The following PCLO variants were observed in gnomAD, a reference collection of about 807,000 sequenced individuals.
PCLO encodes the protein piccolo presynaptic cytomatrix protein.
PCLO carries 82 observed loss-of-function variants against 427.5 expected under a neutral mutation model. The ratio of observed to expected loss-of-function variants is 0.19; its 90% CI spans 0.16 to 0.23. The LOEUF (loss-of-function observed/expected upper bound fraction) is 0.23, where lower values mean the gene tolerates loss of function less well. Ranked by LOEUF, PCLO falls within the 10% of genes least tolerant of loss-of-function variation. PCLO has a pLI of 1.00. For missense variants in PCLO, 6,239 were observed against 6,115.9 expected (o/e 1.02, Z -0.67); for synonymous variants, 2,357 against 2,155.4 (o/e 1.09, Z -2.59).
intron 20 of PCLO, among the ~76,000 whole-genome samples, chr7:82,810,716 G>T (rs1791551520): frequency 6.6e-6 from 1 of 151,588 alleles, no homozygotes; most frequent in South Asian, 2.1e-4. Flanking sequence ...CTCCATTGTG[G>T]CTAACCTTAA....
intron 3 of PCLO, among the ~76,000 whole-genome samples, chr7:83,107,518 ATT>A (rs1408118650): frequency 1.3e-5 from 2 of 151,950 alleles, no homozygotes; most frequent in African/African-American, 4.8e-5. Flanking sequence ...TGTAAAATTA[ATT>A]TTGAGTTGGT....
chr7:82,858,156 G>A (rs905619349), intron 10 of PCLO, among the ~76,000 whole-genome samples: 1 of 151,904 alleles, frequency 6.6e-6, no homozygotes, highest in African/African-American at 2.4e-5. Context: ...GATGCAACAA[G>A]GTTTCAACAT....
At chr7:83,152,017 T>C (rs1222233925) in intron 2 of PCLO, among the ~76,000 whole-genome samples, 1 of 152,028 alleles carries the variant, frequency 6.6e-6, no homozygotes, top group African/African-American at 2.4e-5. Context: ...CAGGCTGGAA[T>C]GCAGTGGCGT....
chr7:82,914,640 G>T, intron 7 of PCLO, 46 bp downstream of exon 7: 1 of 1,583,108 alleles, frequency 6.3e-7, no homozygotes, highest in African/African-American at 1.3e-5. Flanking sequence ...AGAAAAATAA[G>T]AGTTTGAGTT....
chr7:83,136,019 A>G (rs1301249828), intron 2 of PCLO, among the ~76,000 whole-genome samples: 4 of 151,836 alleles, frequency 2.6e-5, no homozygotes, highest in Non-Finnish European at 4.4e-5. Context: ...AATCACTTGA[A>G]TCCAGGAGGC....
At chr7:82,793,823 A>T (rs906557971) in intron 22 of PCLO, among the ~76,000 whole-genome samples, 1 of 152,066 alleles carries the variant, frequency 6.6e-6, no homozygotes, top group Non-Finnish European at 1.5e-5. Flanking sequence ...TGGATTCACA[A>T]AGTATTGTGT....
chr7:82,870,587 T>C (rs1793209567), intron 10 of PCLO, among the ~76,000 whole-genome samples: 1 of 151,868 alleles, frequency 6.6e-6, no homozygotes, highest in South Asian at 2.1e-4. Flanking sequence ...ATTTGACAAA[T>C]GGGATTACGT....
chr7:82,812,116 T>C (rs1027091629), intron 20 of PCLO, among the ~76,000 whole-genome samples: 2 of 151,422 alleles, frequency 1.3e-5, no homozygotes, highest in African/African-American at 4.8e-5. Flanking sequence ...TCCAGAAAGA[T>C]GGTAAATCTC....
chr7:83,153,898 T>TAA (rs146942920), intron 2 of PCLO, among the ~76,000 whole-genome samples: 5 of 143,588 alleles, frequency 3.5e-5, no homozygotes, highest in Non-Finnish European at 6.2e-5. Context: ...TCTCTTCCCC[T>TAA]AAAAAAAAAA....
rs560396361 is a variant in PCLO, at chr7:82,839,224, A to G, written c.14098-882T>C. On this transcript the variant is annotated intron_variant, in intron 14 of 24. Transcript: ENST00000333891. ...GGGCAAATCCATATAGAAAGATACTAACTTTTAAAATAATCCATATAAAAC... is the reference window on the plus strand; with the variant it reads ...GGGCAAATCCATATAGAAAGATACTGACTTTTAAAATAATCCATATAAAAC... Among the ~76,000 whole-genome samples, 7 of 152,192 alleles carry G rather than the reference A, an allele frequency of 4.6e-5. No homozygotes were observed. In the East Asian group the frequency reaches 1.4e-3, roughly 29 times the overall value.
intron 3 of PCLO, among the ~76,000 whole-genome samples, chr7:82,974,902 C>T (rs541571688): frequency 2.1e-4 from 32 of 152,018 alleles, no homozygotes; most frequent in South Asian, 1.0e-3. Context: ...CCTCAGCCTC[C>T]GGAGTAGCTG....
chr7:83,048,475 T>C lies in PCLO; in HGVS notation c.3301-81988A>G, dbSNP rs114494873. Among the ~76,000 whole-genome samples, 373 of 152,146 alleles carry C rather than the reference T, an allele frequency of 2.5e-3. 1 individual carries two copies. The highest frequency in any genetic ancestry group is 8.6e-3 in the African/African-American group (356 of 41,524). ...CAGTGACATAAAGCCAACTGAGCTG[T>C]TGGTTAATTGCGGTTTCATCCACAC... On this transcript the variant is annotated intron_variant, in intron 3 of 24. Transcript: ENST00000333891.
chr7:83,139,184 A>G (rs1003517068), intron 2 of PCLO, among the ~76,000 whole-genome samples: 12 of 152,202 alleles, frequency 7.9e-5, no homozygotes, highest in Non-Finnish European at 1.8e-4. Context: ...AAACCTTCAC[A>G]AAAAATAAAG....
intron 10 of PCLO, among the ~76,000 whole-genome samples, chr7:82,871,605 A>T (rs1355979069): frequency 6.6e-6 from 1 of 152,000 alleles, no homozygotes; most frequent in South Asian, 2.1e-4. Flanking sequence ...GAAAGATTTT[A>T]AGTGTTCCCA....
At chr7:82,989,238 C>T (rs1796322515) in intron 3 of PCLO, among the ~76,000 whole-genome samples, 1 of 151,872 alleles carries the variant, frequency 6.6e-6, no homozygotes, top group Non-Finnish European at 1.5e-5. Context: ...TTCTGCTTTA[C>T]AGAAAAGACA....
At chr7:83,031,508 C>A (rs1788664028) in intron 3 of PCLO, among the ~76,000 whole-genome samples, 1 of 152,120 alleles carries the variant, frequency 6.6e-6, no homozygotes, top group East Asian at 1.9e-4. Flanking sequence ...GGTACCATTT[C>A]ATCTCCTCAT....
chr7:83,120,505 G>T (rs1321499718), intron 3 of PCLO, among the ~76,000 whole-genome samples: 3 of 151,262 alleles, frequency 2.0e-5, no homozygotes, highest in Non-Finnish European at 2.9e-5. Context: ...TAGAGCACCA[G>T]CAGATTTAAC....
In PCLO at chr7:82,916,049, T is replaced by C; in HGVS notation, c.11937A>G (p.Glu3979=). Residue 3979 remains glutamate, a synonymous_variant, in exon 7 of 25, where the codon GAA becomes GAG. Coordinates refer to ENST00000333891, the MANE Select transcript of PCLO (RefSeq NM_033026.6). ...YLEPKITSNY[E]VIRNQPLMIA... ...TCATAAGGGGTTGGTTGCGAATCACTTCATAGTTTGAGGTTATCTTGGGCT... is the reference window on the plus strand; with the variant it reads ...TCATAAGGGGTTGGTTGCGAATCACCTCATAGTTTGAGGTTATCTTGGGCT... The C allele has an allele frequency of 6.2e-7, 1 of 1,613,204 alleles. No homozygotes were observed. Among genetic ancestry groups the C allele is most frequent in the Non-Finnish European group, 8.5e-7 (1 of 1,179,760 alleles).
At chr7:82,866,655 TACACACACACACACACACACACAC>T (rs71096605) in intron 10 of PCLO, among the ~76,000 whole-genome samples, 1 of 143,108 alleles carries the variant, frequency 7.0e-6, no homozygotes, top group Non-Finnish European at 1.5e-5. Context: ...TGAAATTTTA[TACACACACACACACACACACACAC>T]ACACACACAC....
Sources: gnomAD v4.1 joint callset for allele counts (sites outside exome capture counted in the v4.1 genomes callset) on GRCh38, gnomAD v4.1.1 for gene constraint, MANE v1.5 for transcripts, NCBI Gene and HGNC (gene_info 2026-07-23, HGNC 2026-07-21) for gene names.